Variants in LAMP5 observed in about 807,000 individuals in gnomAD.
LAMP5 encodes the protein lysosome associated membrane protein 5, also known as lysosome-associated membrane glycoprotein 5.
In LAMP5, 36 loss-of-function variants were observed where a neutral mutation model predicts 30.2. That is an observed-to-expected ratio of 1.19 (90% CI 0.91 to 1.57). The LOEUF is 1.57. Ranked by LOEUF, LAMP5 falls within the 40% of genes most tolerant of loss-of-function variation. The pLI, the probability that LAMP5 is intolerant of heterozygous loss-of-function variation, is 0.00. For missense variants in LAMP5, 377 were observed against 354.9 expected, an observed-to-expected ratio of 1.06 and a Z score of -0.50; for synonymous variants, 149 against 134.6, an observed-to-expected ratio of 1.11 and a Z score of -0.74.
At chr20:9,528,239 G>T (rs2045126840) in intron 5 of LAMP5, among the ~76,000 whole-genome samples, 2 of 152,082 alleles carry the variant, frequency 1.3e-5, no homozygotes, top group Admixed American at 1.3e-4. Context: ...TCACATGTAG[G>T]AGCTCAATAG....
Position 9,530,153 on chromosome 20 carries a change from G to A in LAMP5, c.*333G>A, listed in dbSNP as rs368205188. On this transcript the variant is annotated 3_prime_UTR_variant, in exon 6 of 6. Coordinates refer to ENST00000246070, the MANE Select transcript of LAMP5 (RefSeq NM_012261.4). Reference sequence around the variant, plus strand: ...AGCTGTATCTGGCCCCAAAGTTTAGGGATTGAAAACATGCTTCTTTGAGGA... The same window carrying A: ...AGCTGTATCTGGCCCCAAAGTTTAGAGATTGAAAACATGCTTCTTTGAGGA... The A allele has an allele frequency of 1.9e-5, 4 of 214,830 alleles. No homozygotes were observed. In the East Asian group the frequency reaches 2.9e-4, roughly 16 times the overall value. 13.3% of individuals were successfully genotyped at this position (214,830 alleles called of 1,614,324 possible).
intron 1 of LAMP5, 165 bp downstream of exon 1, chr20:9,515,081 G>T: frequency 1.5e-6 from 1 of 675,656 alleles, no homozygotes; most frequent in East Asian, 2.7e-5. Flanking sequence ...TTCCTCGCCG[G>T]TGGCAGGGAA....
intron 5 of LAMP5, among the ~76,000 whole-genome samples, chr20:9,526,192 T>A (rs2045111204): frequency 6.6e-6 from 1 of 152,266 alleles, no homozygotes; most frequent in Non-Finnish European, 1.5e-5. Flanking sequence ...ATTTATTTTT[T>A]ATTTTTACTG....
intron 4 of LAMP5, among the ~76,000 whole-genome samples, chr20:9,516,568 G>A (rs2045042033): frequency 6.6e-6 from 1 of 152,116 alleles, no homozygotes; most frequent in South Asian, 2.1e-4. Flanking sequence ...AGGAACCGCA[G>A]GCGTGGGGAC....
intron 5 of LAMP5, among the ~76,000 whole-genome samples, chr20:9,524,074 G>A (rs1174809250): frequency 6.6e-6 from 1 of 152,124 alleles, no homozygotes; most frequent in African/African-American, 2.4e-5. Flanking sequence ...TCTCACTTTA[G>A]TTTGTGCAGA....
intron 5 of LAMP5, 89 bp downstream of exon 5, chr20:9,518,317 A>G: frequency 8.6e-7 from 1 of 1,168,140 alleles, no homozygotes; most frequent in Non-Finnish European, 1.2e-6. Flanking sequence ...GGATGTTACC[A>G]CTTGGATTTC....
At chr20:9,515,133 G>T in intron 1 of LAMP5, 1 of 600,362 alleles carries the variant, frequency 1.7e-6, no homozygotes, top group South Asian at 2.2e-5. Flanking sequence ...ATTCCAGACA[G>T]AGCCTAGACA....
At chr20:9,522,957 C>T (rs1246511845) in intron 5 of LAMP5, among the ~76,000 whole-genome samples, 1 of 145,360 alleles carries the variant, frequency 6.9e-6, no homozygotes, top group African/African-American at 2.6e-5. Flanking sequence ...TTTTTTTCTT[C>T]TCTAATACTT....
At chr20:9,519,466 TAAGAA>T (rs1455819312) in intron 5 of LAMP5, among the ~76,000 whole-genome samples, 1 of 152,214 alleles carries the variant, frequency 6.6e-6, no homozygotes, top group Non-Finnish European at 1.5e-5. Flanking sequence ...AAATTGTCTT[TAAGAA>T]AAGACAGGTG....
At position 9,529,634 on chromosome 20, in the gene LAMP5, C is replaced by G. The variant is rs752034370; in HGVS notation, c.665-8C>G. On this transcript the variant is annotated splice_region_variant and splice_polypyrimidine_tract_variant and intron_variant, in intron 5 of 5. Transcript: ENST00000246070. ...AGAGCTCTCTGCTTTTCTTCTTTCC[C>G]ATTGCAGAGCATAAATGCCCAGTGG... The G allele has an allele frequency of 6.2e-7, 1 of 1,612,500 alleles. No individual in the cohort carries two copies. The highest frequency in any genetic ancestry group is 1.7e-5 in the Admixed American group (1 of 59,986).
At chr20:9,520,744 T>G (rs549411324) in intron 5 of LAMP5, among the ~76,000 whole-genome samples, 2 of 152,146 alleles carry the variant, frequency 1.3e-5, no homozygotes, top group South Asian at 2.1e-4. Context: ...TATGAGAAAA[T>G]CAAGGTAGTG....
Position 9,516,241 on chromosome 20 carries a change from T to A in LAMP5, c.370-15T>A. 6.2e-7 allele frequency: 1 copy of A among 1,613,666 alleles called. No homozygotes were observed. Among genetic ancestry groups the A allele is most frequent in the Non-Finnish European group, 8.5e-7 (1 of 1,179,724 alleles). ...GCTGCGGGGACGATTGAAGCGCACCTCCCCGGCTCAACAGGAAAGCCACAA... is the reference window on the plus strand; with the variant it reads ...GCTGCGGGGACGATTGAAGCGCACCACCCCGGCTCAACAGGAAAGCCACAA... On this transcript the variant is annotated splice_polypyrimidine_tract_variant and intron_variant, in intron 3 of 5. Coordinates refer to ENST00000246070, the MANE Select transcript of LAMP5 (RefSeq NM_012261.4).
chr20:9,526,827 A>G lies in LAMP5; in HGVS notation c.665-2815A>G, dbSNP rs183378979. 4.1e-3 allele frequency among the ~76,000 whole-genome samples: 571 copies of G among 140,218 alleles called. 4 individuals carry two copies. The highest frequency in any genetic ancestry group is 0.014 in the African/African-American group (549 of 39,146). The allele number at this position is 140,218 out of a possible 152,430, so 92.0% of individuals were successfully genotyped here. A position where few individuals can be genotyped will look rare whatever the true frequency, so the allele number is the denominator to read the frequency against. On this transcript the variant is annotated intron_variant, in intron 5 of 5. Transcript: ENST00000246070. ...TTCTTTTTCTATTATATATATGTGT[A>G]TTATATAGATACATATACATATGTG... is the stretch of plus-strand genomic sequence containing the variant.
chr20:9,521,175 G>A (rs1314974500), intron 5 of LAMP5, among the ~76,000 whole-genome samples: 1 of 152,156 alleles, frequency 6.6e-6, no homozygotes, highest in Non-Finnish European at 1.5e-5. Flanking sequence ...ATTCAGAAAA[G>A]GAAGAGGACA....
chr20:9,518,339 A>G (rs1278024584), intron 5 of LAMP5, 111 bp downstream of exon 5: 2 of 857,680 alleles, frequency 2.3e-6, no homozygotes, highest in Non-Finnish European at 3.7e-6. Context: ...TCTAGGTTGA[A>G]ATGACACTGC....
At position 9,529,841 on chromosome 20, in the gene LAMP5, C is replaced by T. The variant is rs765518785; in HGVS notation, c.*21C>T. On this transcript the variant is annotated 3_prime_UTR_variant, in exon 6 of 6. Coordinates refer to ENST00000246070, the MANE Select transcript of LAMP5 (RefSeq NM_012261.4). ...GCTAGAGGCCGTTAGGCAGGCACCC[C>T]CTATTCCTGCTCCCCCAACTGGATC... 6.2e-7 allele frequency: 1 copy of T among 1,611,064 alleles called. No individual in the cohort carries two copies. Among genetic ancestry groups the T allele is most frequent in the Non-Finnish European group, 8.5e-7 (1 of 1,177,616 alleles).
At chr20:9,524,410 T>C (rs2045097896) in intron 5 of LAMP5, among the ~76,000 whole-genome samples, 1 of 151,746 alleles carries the variant, frequency 6.6e-6, no homozygotes, top group Admixed American at 6.6e-5. Context: ...ATAACTATTG[T>C]TTGTCAAACT....
In LAMP5 at chr20:9,514,679, C is replaced by A. The variant is rs2045020568; in HGVS notation, c.-174C>A. On this transcript the variant is annotated 5_prime_UTR_variant, in exon 1 of 6. Coordinates refer to ENST00000246070, the MANE Select transcript of LAMP5 (RefSeq NM_012261.4). ...TTGCTCTGCCAGCAGCTGTCGGTGC[C>A]GCGCTCGACACCGAGTCCTAGCTAG... 1 of 598,846 alleles carries A rather than the reference C, an allele frequency of 1.7e-6. No individual in the cohort carries two copies. Among genetic ancestry groups the A allele is most frequent in the African/African-American group, 1.9e-5 (1 of 53,832 alleles). 37.1% of individuals were successfully genotyped at this position (598,846 alleles called of 1,614,324 possible).
chr20:9,518,964 G>A (rs1178924778), intron 5 of LAMP5, among the ~76,000 whole-genome samples: 2 of 152,198 alleles, frequency 1.3e-5, no homozygotes, highest in African/African-American at 4.8e-5. Flanking sequence ...TGTGGAGCAA[G>A]GCTGTCTCTC....
Sources: gnomAD v4.1 joint callset for allele counts (sites outside exome capture counted in the v4.1 genomes callset) on GRCh38, gnomAD v4.1.1 for gene constraint, MANE v1.5 for transcripts, NCBI Gene and HGNC (gene_info 2026-07-23, HGNC 2026-07-21) for gene names.